Variants in KLHL14 observed in about 807,000 individuals in gnomAD.
The protein encoded by KLHL14 is kelch-like protein 14.
A neutral mutation model predicts 64.3 loss-of-function variants in KLHL14; 22 were observed. The ratio of observed to expected loss-of-function variants is 0.34; its 90% CI spans 0.24 to 0.49. The LOEUF is 0.49. KLHL14 is among the 20% of genes least tolerant of loss of function. The probability of loss-of-function intolerance (pLI) is 0.99; values close to 1 mark genes in which losing one functional copy is unlikely to be tolerated. For missense variants in KLHL14, 661 were observed against 789.0 expected, an observed-to-expected ratio of 0.84 and a Z score of 1.94; for synonymous variants, 322 against 333.4, an observed-to-expected ratio of 0.97 and a Z score of 0.37.
intron 1 of KLHL14, chr18:32,772,026 G>A: frequency 4.1e-6 from 1 of 243,494 alleles, no homozygotes; most frequent in Non-Finnish European, 8.1e-6. Context: ...GATACGCCAG[G>A]TCCTTAACCT....
intron 2 of KLHL14, among the ~76,000 whole-genome samples, chr18:32,765,267 G>A (rs764529031): frequency 1.6e-4 from 25 of 152,162 alleles, no homozygotes; most frequent in Non-Finnish European, 2.8e-4. Context: ...TTTAAGTTAA[G>A]AAAATTGGGA....
chr18:32,772,351 C>G (rs1387219434), intron 1 of KLHL14: 1 of 228,934 alleles, frequency 4.4e-6, no homozygotes, highest in African/African-American at 2.3e-5. Context: ...CCCCAAAGCT[C>G]TGGCTTGCCT....
At chr18:32,714,499 A>G (rs927230808) in intron 3 of KLHL14, among the ~76,000 whole-genome samples, 1 of 152,182 alleles carries the variant, frequency 6.6e-6, no homozygotes, top group Non-Finnish European at 1.5e-5. Flanking sequence ...TACATAGTTG[A>G]AATAAAGTAG....
chr18:32,724,584 G>A (rs1374901370), intron 3 of KLHL14, among the ~76,000 whole-genome samples: 1 of 152,054 alleles, frequency 6.6e-6, no homozygotes, highest in Non-Finnish European at 1.5e-5. Flanking sequence ...AACACAATGG[G>A]GATAGTAATG....
chr18:32,688,695 T>C (rs914536478), intron 4 of KLHL14, among the ~76,000 whole-genome samples: 1 of 152,140 alleles, frequency 6.6e-6, no homozygotes, highest in Non-Finnish European at 1.5e-5. Context: ...GGCCAGAACA[T>C]AGTGTGCCTT....
chr18:32,705,785 C>A (rs7234525), intron 3 of KLHL14, among the ~76,000 whole-genome samples: 56,776 of 152,000 alleles, frequency 0.37, 12,764 homozygotes, highest in African/African-American at 0.63. Flanking sequence ...TTGAGGCCTG[C>A]GAAAATGTGT....
In KLHL14 at chr18:32,672,842, A is replaced by G. The variant is rs1568060678; in HGVS notation, c.*1815T>C. The G allele has an allele frequency of 6.6e-6, 1 of 152,638 alleles. No homozygotes were observed. Among genetic ancestry groups the G allele is most frequent in the Non-Finnish European group, 1.5e-5 (1 of 68,016 alleles). The allele number at this position is 152,638 out of a possible 1,614,324, so 9.5% of individuals were successfully genotyped here. A position where few individuals can be genotyped will look rare whatever the true frequency, so the allele number is the denominator to read the frequency against. On this transcript the variant is annotated 3_prime_UTR_variant, in exon 9 of 9. Transcript: ENST00000359358. ...AAAGCTTTACTTATAATTCTCATAAATGCTTTTATTTTGGTGAGAAATAAA... is the reference window on the plus strand; with the variant it reads ...AAAGCTTTACTTATAATTCTCATAAGTGCTTTTATTTTGGTGAGAAATAAA...
intron 3 of KLHL14, among the ~76,000 whole-genome samples, chr18:32,700,154 C>G (rs1330609917): frequency 6.6e-6 from 1 of 152,044 alleles, no homozygotes; most frequent in Non-Finnish European, 1.5e-5. Context: ...TCCTTTGCAA[C>G]CCCCAAATTT....
intron 4 of KLHL14, 42 bp from the exon 5 acceptor site, chr18:32,687,275 T>C: frequency 6.7e-7 from 1 of 1,490,188 alleles, no homozygotes. Flanking sequence ...TAGATTCTTT[T>C]GTTGATTTGC....
chr18:32,674,898 G>A (rs923161904), intron 8 of KLHL14, 101 bp from the exon 9 acceptor site: 26 of 625,696 alleles, frequency 4.2e-5, no homozygotes, highest in Non-Finnish European at 5.6e-5. Flanking sequence ...GAAAATATCT[G>A]TTCTCCATTC....
At chr18:32,746,660 T>C (rs2050225384) in intron 2 of KLHL14, among the ~76,000 whole-genome samples, 1 of 152,252 alleles carries the variant, frequency 6.6e-6, no homozygotes, top group African/African-American at 2.4e-5. Flanking sequence ...GCTGATATGC[T>C]GGCACTTTAT....
chr18:32,698,202 T>C (rs958696901), intron 3 of KLHL14, among the ~76,000 whole-genome samples: 3 of 152,172 alleles, frequency 2.0e-5, no homozygotes, highest in East Asian at 1.9e-4. Context: ...ACTGTACTTA[T>C]TGATTTTCTT....
chr18:32,686,177 A>ATTTTTT (rs148393455), intron 5 of KLHL14, among the ~76,000 whole-genome samples: 78 of 107,608 alleles, frequency 7.2e-4, no homozygotes, highest in Non-Finnish European at 9.2e-4. Flanking sequence ...GTGCCCGGCT[A>ATTTTTT]TTTTTTTTTT....
At chr18:32,723,455 A>G (rs996176426) in intron 3 of KLHL14, among the ~76,000 whole-genome samples, 2 of 152,070 alleles carry the variant, frequency 1.3e-5, no homozygotes, top group East Asian at 3.9e-4. Context: ...GTAGGAGAGG[A>G]AGGTCAGGGT....
chr18:32,704,462 C>T (rs1245332166), intron 3 of KLHL14, among the ~76,000 whole-genome samples: 1 of 152,192 alleles, frequency 6.6e-6, no homozygotes, highest in Non-Finnish European at 1.5e-5. Flanking sequence ...GTGGCTCACA[C>T]CTGTAATCCC....
chr18:32,731,113 G>A (rs1383086421), intron 3 of KLHL14, among the ~76,000 whole-genome samples: 1 of 152,182 alleles, frequency 6.6e-6, no homozygotes, highest in Non-Finnish European at 1.5e-5. Context: ...CAGCAATGGA[G>A]TCAATTTATG....
At chr18:32,764,382 T>C (rs1223927236) in intron 2 of KLHL14, among the ~76,000 whole-genome samples, 1 of 152,172 alleles carries the variant, frequency 6.6e-6, no homozygotes, top group East Asian at 1.9e-4. Flanking sequence ...ATAAATTAAC[T>C]TCTAACTTAG....
intron 2 of KLHL14, among the ~76,000 whole-genome samples, chr18:32,768,396 C>CACACAT (rs1439715172): frequency 7.8e-6 from 1 of 128,116 alleles, no homozygotes; most frequent in East Asian, 2.0e-4. Flanking sequence ...TAATGACACA[C>CACACAT]ACACACACAC....
intron 3 of KLHL14, among the ~76,000 whole-genome samples, chr18:32,741,640 T>C (rs1317440467): frequency 2.0e-5 from 3 of 152,266 alleles, no homozygotes; most frequent in East Asian, 1.9e-4. Context: ...CAGAAGAATT[T>C]TGGGGGGAAG....
Sources: allele counts gnomAD v4.1 joint callset (sites outside exome capture counted in the v4.1 genomes callset), GRCh38; gene constraint gnomAD v4.1.1; transcripts MANE v1.5; gene names NCBI Gene and HGNC (gene_info 2026-07-23, HGNC 2026-07-21).